The following RAI2 variants were observed in gnomAD, a reference collection of about 807,000 sequenced individuals.
RAI2 encodes retinoic acid induced 2, also known as retinoic acid-induced protein 2.
Under a neutral mutation model 15.3 loss-of-function variants are expected in RAI2, and 5 were observed. The ratio of observed to expected loss-of-function variants is 0.33; its 90% CI spans 0.17 to 0.69. The LOEUF (loss-of-function observed/expected upper bound fraction) is 0.69, where lower values mean the gene tolerates loss of function less well. Ranked by LOEUF, RAI2 falls within the 30% of genes least tolerant of loss-of-function variation. The pLI, the probability that RAI2 is intolerant of heterozygous loss-of-function variation, is 0.69. For synonymous variants in RAI2, 191 were observed against 184.0 expected, an observed-to-expected ratio of 1.04 and a Z score of -0.31; for missense variants, 424 against 424.7, an observed-to-expected ratio of 1.00 and a Z score of 0.01.
rs775843396 is a variant in RAI2, at chrX:17,832,452, G to A, written c.-25+28646C>T. Among the ~76,000 whole-genome samples the A allele has an allele frequency of 9.8e-5, 11 of 112,265 alleles. No homozygotes were observed. In the South Asian group the frequency reaches 4.1e-3, roughly 42 times the overall value. On this transcript the variant is annotated intron_variant, in intron 1 of 1. Coordinates refer to ENST00000451717, the MANE Select transcript of RAI2 (RefSeq NM_021785.6). ...CTGGAGGGAGGGGGCAGCCTTCTAA[G>A]GTGACATCCCTTTGTGCCCAGTTTC...
intron 1 of RAI2, among the ~76,000 whole-genome samples, chrX:17,857,894 G>A (rs1264064941): frequency 1.1e-4 from 12 of 112,140 alleles, no homozygotes; most frequent in Non-Finnish European, 2.3e-4. Flanking sequence ...CACTGTGGGT[G>A]ACTGGGTTGC....
intron 1 of RAI2, among the ~76,000 whole-genome samples, chrX:17,808,410 C>A (rs1307051795): frequency 9.0e-6 from 1 of 110,639 alleles, no homozygotes; most frequent in African/African-American, 3.3e-5. Flanking sequence ...TTGGAGTAAT[C>A]TGGAACTTAA....
At chrX:17,816,163 C>T (rs920162769) in intron 1 of RAI2, among the ~76,000 whole-genome samples, 5 of 109,511 alleles carry the variant, frequency 4.6e-5, no homozygotes, top group African/African-American at 1.0e-4. Context: ...AGGTATTTCA[C>T]ATTTATTTTC....
chrX:17,836,825 T>A (rs1224783465), intron 1 of RAI2, among the ~76,000 whole-genome samples: 1 of 112,211 alleles, frequency 8.9e-6, no homozygotes, highest in East Asian at 2.8e-4. Flanking sequence ...GTGACCAAGA[T>A]CTGAGTGCAT....
intron 1 of RAI2, among the ~76,000 whole-genome samples, chrX:17,802,768 T>C (rs1464589273): frequency 9.0e-6 from 1 of 111,617 alleles, no homozygotes; most frequent in Non-Finnish European, 1.9e-5. Flanking sequence ...GAAGAGGGCA[T>C]TGGTGAGCCT....
chrX:17,812,657 G>A (rs1209585675), intron 1 of RAI2, among the ~76,000 whole-genome samples: 1 of 111,551 alleles, frequency 9.0e-6, no homozygotes, highest in Non-Finnish European at 1.9e-5. Flanking sequence ...CTTCTCCTTT[G>A]CACGAGAGCT....
chrX:17,805,806 G>A (rs1414213324), intron 1 of RAI2, among the ~76,000 whole-genome samples: 1 of 112,484 alleles, frequency 8.9e-6, no homozygotes. Flanking sequence ...CTAGAGAGCT[G>A]CTGGCCCTGA....
At chrX:17,858,065 G>A (rs1054042734) in intron 1 of RAI2, among the ~76,000 whole-genome samples, 2 of 111,247 alleles carry the variant, frequency 1.8e-5, no homozygotes, top group Non-Finnish European at 3.8e-5. Context: ...TTAGTCCTTC[G>A]TGGTTCCATG....
intron 1 of RAI2, among the ~76,000 whole-genome samples, chrX:17,834,169 T>C (rs1480328927): frequency 8.9e-6 from 1 of 111,996 alleles, no homozygotes; most frequent in African/African-American, 3.2e-5. Context: ...AACTTCCCCA[T>C]ACATAATCAT....
intron 1 of RAI2, among the ~76,000 whole-genome samples, chrX:17,811,039 A>G (rs1569344375): frequency 8.9e-6 from 1 of 112,415 alleles, no homozygotes; most frequent in Non-Finnish European, 1.9e-5. Flanking sequence ...GCAGAGGTAA[A>G]GGAGTAAGTC....
intron 1 of RAI2, among the ~76,000 whole-genome samples, chrX:17,846,698 G>A (rs922785405): frequency 1.8e-5 from 2 of 111,215 alleles, no homozygotes; most frequent in Non-Finnish European, 3.8e-5. Flanking sequence ...TGGCTGCAGG[G>A]GGAGGGGAGG....
At chrX:17,814,883 G>C (rs776035164) in intron 1 of RAI2, among the ~76,000 whole-genome samples, 1 of 109,585 alleles carries the variant, frequency 9.1e-6, no homozygotes, top group Non-Finnish European at 1.9e-5. Context: ...CCAACTCGGG[G>C]ACCAAAAATC....
At chrX:17,828,446 A>C (rs1194231825) in intron 1 of RAI2, among the ~76,000 whole-genome samples, 7 of 111,780 alleles carry the variant, frequency 6.3e-5, no homozygotes, top group Non-Finnish European at 9.4e-5. Flanking sequence ...CAGCTTCTTA[A>C]TGCTCTTGGC....
At chrX:17,860,931 C>CGGCCCCGGCCTCCGGGCGCCGTCCT (rs2067681266) in intron 1 of RAI2, among the ~76,000 whole-genome samples, 167 bp downstream of exon 1, 1 of 104,884 alleles carries the variant, frequency 9.5e-6, no homozygotes, top group Non-Finnish European at 2.0e-5. Flanking sequence ...CCCTCCCAGC[C>CGGCCCCGGCCTCCGGGCGCCGTCCT]GGCCCCGGCC....
Position 17,801,909 on chromosome X carries a change from G to C in RAI2, c.102C>G (p.Thr34=). ...TGGAGTTGATGTTCCAGGCCTCGGT[G>C]GTGATCAGCTGAGCCATGCCATTCT... ...RLENGMAQLI[T]TEAWNINSTD... The change falls in exon 2 of 2, where the codon ACC becomes ACG. Residue 34 remains threonine, a synonymous_variant. Transcript: ENST00000451717. 1 of 1,211,528 alleles carries C rather than the reference G, an allele frequency of 8.3e-7. No homozygotes were observed. Among genetic ancestry groups the C allele is most frequent in the Non-Finnish European group, 1.1e-6 (1 of 895,458 alleles).
chrX:17,853,107 G>A (rs1005918734), intron 1 of RAI2, among the ~76,000 whole-genome samples: 15 of 111,235 alleles, frequency 1.3e-4, no homozygotes, highest in Non-Finnish European at 2.6e-4. Flanking sequence ...GGAATCAGGT[G>A]CATATGAAAA....
At chrX:17,810,985 G>T (rs1398882240) in intron 1 of RAI2, among the ~76,000 whole-genome samples, 3 of 112,256 alleles carry the variant, frequency 2.7e-5, no homozygotes, top group Non-Finnish European at 5.6e-5. Context: ...ATTATCCCAG[G>T]ATTATCTGCT....
chrX:17,815,855 G>C (rs1282134191), intron 1 of RAI2, among the ~76,000 whole-genome samples: 1 of 111,042 alleles, frequency 9.0e-6, no homozygotes, highest in Non-Finnish European at 1.9e-5. Flanking sequence ...TGCCCTAAAG[G>C]ACTGACAACT....
intron 1 of RAI2, among the ~76,000 whole-genome samples, chrX:17,847,494 C>T (rs1283851299): frequency 1.8e-5 from 2 of 113,251 alleles, no homozygotes; most frequent in African/African-American, 6.4e-5. Context: ...CTGCTCATCA[C>T]TCAGAACTGG....
Sources: allele counts gnomAD v4.1 joint callset (sites outside exome capture counted in the v4.1 genomes callset), GRCh38; gene constraint gnomAD v4.1.1; transcripts MANE v1.5; gene names NCBI Gene and HGNC (gene_info 2026-07-23, HGNC 2026-07-21).